Variants in EFR3B observed in about 807,000 individuals in gnomAD.
EFR3B encodes protein EFR3 homolog B.
Under a neutral mutation model 104.7 loss-of-function variants are expected in EFR3B, and 64 were observed. The ratio of observed to expected loss-of-function variants is 0.61; its 90% CI spans 0.50 to 0.75. The LOEUF (loss-of-function observed/expected upper bound fraction) is 0.75, where lower values mean the gene tolerates loss of function less well. Ranked by LOEUF, EFR3B falls within the 30% of genes least tolerant of loss-of-function variation. EFR3B has a pLI of 0.00. For synonymous variants in EFR3B, 385 were observed against 417.9 expected (o/e 0.92, Z 0.96); for missense variants, 750 against 1,078.5 (o/e 0.70, Z 4.27).
rs190876800 is a variant in EFR3B at position 25,140,165 on chromosome 2, T to C, written c.1854+975T>C. Among the ~76,000 whole-genome samples, 53 of 151,976 alleles carry C rather than the reference T, an allele frequency of 3.5e-4. 1 individual carries two copies. The East Asian group carries it at 8.9e-3, about 26-fold the overall frequency. On this transcript the variant is annotated intron_variant, in intron 16 of 22. Transcript: ENST00000403714. The stretch of plus-strand genomic sequence containing the variant: ...CCGTCTCTACTAAAAATACAAAAAT[T>C]AGCTGGGCATGGTGGCGCACACCTG...
chr2:25,100,207 A>G (rs1314825418), intron 3 of EFR3B, among the ~76,000 whole-genome samples: 2 of 152,158 alleles, frequency 1.3e-5, no homozygotes, highest in Non-Finnish European at 2.9e-5. Flanking sequence ...TCCGTCTCAA[A>G]AAAAAAATTT....
chr2:25,103,384 T>C (rs1254461835), intron 3 of EFR3B, among the ~76,000 whole-genome samples: 1 of 152,230 alleles, frequency 6.6e-6, no homozygotes, highest in East Asian at 1.9e-4. Flanking sequence ...CGTCGTCCTG[T>C]TCTTAATCTG....
chr2:25,083,229 T>C (rs1006474474), intron 1 of EFR3B, among the ~76,000 whole-genome samples: 3 of 152,166 alleles, frequency 2.0e-5, no homozygotes, highest in Admixed American at 6.5e-5. Flanking sequence ...CTTCAGCTAC[T>C]GTGGTTGGAT....
chr2:25,082,663 A>C (rs929710323), intron 1 of EFR3B, among the ~76,000 whole-genome samples: 1 of 152,064 alleles, frequency 6.6e-6, no homozygotes, highest in East Asian at 1.9e-4. Context: ...TTATTCCACA[A>C]ACCTGTATGA....
At chr2:25,045,757 T>A (rs1026990002) in intron 1 of EFR3B, among the ~76,000 whole-genome samples, 1 of 151,362 alleles carries the variant, frequency 6.6e-6, no homozygotes, top group Non-Finnish European at 1.5e-5. Flanking sequence ...CACTCCAGCC[T>A]GGGAGACAAG....
At chr2:25,044,685 A>T (rs1036149765) in intron 1 of EFR3B, among the ~76,000 whole-genome samples, 2 of 152,058 alleles carry the variant, frequency 1.3e-5, no homozygotes, top group African/African-American at 4.8e-5. Flanking sequence ...CCCCCTATGG[A>T]GCCGAAAGTC....
intron 1 of EFR3B, among the ~76,000 whole-genome samples, chr2:25,086,741 C>T (rs767644032): frequency 1.8e-4 from 27 of 152,006 alleles, no homozygotes; most frequent in Admixed American, 1.0e-3. Flanking sequence ...TACAAGCATA[C>T]GCCACCACAC....
chr2:25,079,671 A>C (rs1668735248), intron 1 of EFR3B, among the ~76,000 whole-genome samples: 1 of 152,214 alleles, frequency 6.6e-6, no homozygotes. Context: ...TTGTAGGAGA[A>C]GCAAATAAGA....
At chr2:25,135,349 G>T in intron 12 of EFR3B, 118 bp from the exon 13 acceptor site, 2 of 1,215,990 alleles carry the variant, frequency 1.6e-6, no homozygotes, top group Non-Finnish European at 2.3e-6. Flanking sequence ...GCTGGATTGG[G>T]CGATGTCTAG....
At position 25,114,309 on chromosome 2, in the gene EFR3B, C is replaced by T. The variant is rs887267779; in HGVS notation, c.364-7364C>T. Among the ~76,000 whole-genome samples the T allele has an allele frequency of 6.6e-6, 1 of 152,170 alleles. No individual in the cohort carries two copies. The highest frequency in any genetic ancestry group is 1.5e-5 in the Non-Finnish European group (1 of 68,026). Reference sequence around the variant, plus strand: ...AGCGCTCCCTGACCAGGTGACCTAGCTGGGCTGCTGCGACTGCGCTTTCAT... The same window carrying T: ...AGCGCTCCCTGACCAGGTGACCTAGTTGGGCTGCTGCGACTGCGCTTTCAT... On this transcript the variant is annotated intron_variant, in intron 4 of 22. Coordinates refer to ENST00000403714, the MANE Select transcript of EFR3B (RefSeq NM_014971.2). This position sits in a 1 kb window ranked among gnomAD's most constrained non-coding sequence, Gnocchi z 4.0.
chr2:25,056,742 C>T (rs147645138), intron 1 of EFR3B, among the ~76,000 whole-genome samples: 2 of 152,176 alleles, frequency 1.3e-5, no homozygotes, highest in African/African-American at 4.8e-5. Flanking sequence ...CATCCAAAAG[C>T]TTTTTTCCAC....
chr2:25,144,255 G>C (rs1670754914), intron 18 of EFR3B, among the ~76,000 whole-genome samples: 1 of 152,150 alleles, frequency 6.6e-6, no homozygotes, highest in South Asian at 2.1e-4. Flanking sequence ...TTTAACAATA[G>C]CTGCCTGCTG....
chr2:25,069,249 C>T (rs539312488), intron 1 of EFR3B, among the ~76,000 whole-genome samples: 1 of 152,244 alleles, frequency 6.6e-6, no homozygotes, highest in Non-Finnish European at 1.5e-5. Context: ...GAGGCCAGGC[C>T]TTGGGCACAG....
chr2:25,080,903 G>A (rs493090), intron 1 of EFR3B: 336,685 of 779,730 alleles, frequency 0.43, 77,969 homozygotes, highest in Admixed American at 0.61. Flanking sequence ...TTTCTGCTGC[G>A]GAATCCACAA....
At position 25,070,680 on chromosome 2, in the gene EFR3B, CA is replaced by C. The variant is rs111240454; in HGVS notation, c.8-20644del. On this transcript the variant is annotated intron_variant, in intron 1 of 22. Coordinates refer to ENST00000403714, the MANE Select transcript of EFR3B (RefSeq NM_014971.2). ...CTTTCTATTTGAAACGTCCCTCCAGCAGCCAGGAGTGGGAGATATTTGGCAG... is the reference window on the plus strand; with the variant it reads ...CTTTCTATTTGAAACGTCCCTCCAGCGCCAGGAGTGGGAGATATTTGGCAG... Among the ~76,000 whole-genome samples, 273 of 152,290 alleles carry C rather than the reference CA, an allele frequency of 1.8e-3. 3 individuals are homozygous for C. The highest frequency in any genetic ancestry group is 6.3e-3 in the African/African-American group (261 of 41,554).
chr2:25,118,539 C>T (rs1025714353), intron 4 of EFR3B, among the ~76,000 whole-genome samples: 12 of 151,446 alleles, frequency 7.9e-5, no homozygotes, highest in African/African-American at 2.9e-4. Context: ...ATGTAATTAC[C>T]ACAGAAAGGA....
intron 19 of EFR3B, chr2:25,146,075 C>A (rs1253994977): frequency 7.1e-6 from 1 of 141,144 alleles, no homozygotes; most frequent in African/African-American, 2.7e-5. Context: ...CCACTGACAG[C>A]CAAGATGTTT....
chr2:25,080,532 T>C, intron 1 of EFR3B: 1 of 480,444 alleles, frequency 2.1e-6, no homozygotes, highest in Non-Finnish European at 3.7e-6. Flanking sequence ...TGACCTCAGG[T>C]ATCTGCCCGC....
chr2:25,145,074 TG>T (rs1426090558), intron 19 of EFR3B, 23 bp downstream of exon 19: 1 of 1,549,570 alleles, frequency 6.5e-7, no homozygotes, highest in Admixed American at 2.0e-5. Flanking sequence ...GCCACCGTCC[TG>T]GGGCAGCCCC....
Sources: allele counts gnomAD v4.1 joint callset (sites outside exome capture counted in the v4.1 genomes callset), GRCh38; gene constraint gnomAD v4.1.1; non-coding constraint Gnocchi (gnomAD v3.1); transcripts MANE v1.5; gene names NCBI Gene and HGNC (gene_info 2026-07-23, HGNC 2026-07-21).